NCAPH2: variants seen among roughly 807,000 people sequenced by gnomAD.
NCAPH2 encodes the protein non-SMC condensin II complex subunit H2.
Under a neutral mutation model 88.6 loss-of-function variants are expected in NCAPH2, and 56 were observed. The observed-to-expected ratio is 0.63, with a 90% CI of 0.51 to 0.79. The LOEUF (loss-of-function observed/expected upper bound fraction) is 0.79, where lower values mean the gene tolerates loss of function less well. Ranked by LOEUF, NCAPH2 falls within the 30% of genes least tolerant of loss-of-function variation. The probability of loss-of-function intolerance (pLI) is 0.00; values close to 1 mark genes in which losing one functional copy is unlikely to be tolerated. For missense variants in NCAPH2, 794 were observed against 792.0 expected, an observed-to-expected ratio of 1.00 and a Z score of -0.03; for synonymous variants, 378 against 313.6, an observed-to-expected ratio of 1.21 and a Z score of -2.17.
In NCAPH2 at chr22:50,517,735, C is replaced by T. The variant is rs369720270; in HGVS notation, c.352-6C>T. 3.7e-6 allele frequency: 6 copies of T among 1,614,100 alleles called. No homozygotes were observed. Among genetic ancestry groups the T allele is most frequent in the Middle Eastern group, 1.6e-4 (1 of 6,062 alleles). On this transcript the variant is annotated splice_polypyrimidine_tract_variant and splice_region_variant and intron_variant, in intron 4 of 19. Coordinates refer to ENST00000420993, the MANE Select transcript of NCAPH2 (RefSeq NM_152299.4). The stretch of plus-strand genomic sequence containing the variant: ...CTCCGCCCCCACGAGCTCTGTCTCC[C>T]TCCAGTTCCTGTCGCTGGATGACTT...
chr22:50,518,555 CCTG>C (rs1318118772), intron 7 of NCAPH2, 91 bp from the exon 8 acceptor site: 16 of 1,307,172 alleles, frequency 1.2e-5, no homozygotes, highest in Non-Finnish European at 1.6e-5. Flanking sequence ...TCTCTGCCCT[CCTG>C]CTGGCCCCTT....
intron 1 of NCAPH2, 50 bp from the exon 2 acceptor site, chr22:50,516,397 A>C (rs762061914): frequency 1.3e-5 from 20 of 1,571,306 alleles, no homozygotes; most frequent in Middle Eastern, 1.7e-4. Context: ...GGAAGAAGCG[A>C]GTGCAGACTG....
In NCAPH2 at chr22:50,522,722, T is replaced by C; in HGVS notation, c.1425+2T>C. On this transcript the variant is annotated splice_donor_variant, in intron 17 of 19. Transcript: ENST00000420993. LOFTEE classifies it high-confidence loss of function. Reference sequence around the variant, plus strand: ...GAGGAGCTGGTTCGAAGGAATGTGGTAGGCCTGGGTTAGAGGGAGACGGGG... The same window carrying C: ...GAGGAGCTGGTTCGAAGGAATGTGGCAGGCCTGGGTTAGAGGGAGACGGGG... The C allele has an allele frequency of 6.2e-7, 1 of 1,613,334 alleles. No individual in the cohort carries two copies. Among genetic ancestry groups the C allele is most frequent in the Non-Finnish European group, 8.5e-7 (1 of 1,179,914 alleles).
intron 1 of NCAPH2, 73 bp from the exon 2 acceptor site, chr22:50,516,374 G>A: frequency 7.0e-7 from 1 of 1,430,062 alleles, no homozygotes; most frequent in Non-Finnish European, 9.8e-7. Context: ...CCAAAGATGG[G>A]TGGGGCTGCC....
intron 1 of NCAPH2, among the ~76,000 whole-genome samples, chr22:50,514,662 C>G (rs977159949): frequency 2.6e-5 from 4 of 152,174 alleles, no homozygotes; most frequent in African/African-American, 9.7e-5. Flanking sequence ...GCCATCTCCT[C>G]CATGTTCCCT....
chr22:50,523,830 G>A lies in NCAPH2; in HGVS notation c.*455G>A, dbSNP rs131811. On this transcript the variant is annotated 3_prime_UTR_variant, in exon 20 of 20. Transcript: ENST00000420993. ...GACTAGCCTGGGCAACCTGTTTGGT[G>A]GAGCCGGTCAGACCCAACAGTCTTG... 0.067 allele frequency: 108,534 copies of A among 1,614,082 alleles called. 4,398 individuals carry two copies. The highest frequency in any genetic ancestry group is 0.08 in the Non-Finnish European group (94,874 of 1,180,024).
chr22:50,509,624 T>C (rs1294066452), intron 1 of NCAPH2, among the ~76,000 whole-genome samples: 2 of 152,232 alleles, frequency 1.3e-5, no homozygotes, highest in Admixed American at 1.3e-4. Flanking sequence ...GGTTCCCTTA[T>C]CCCTGTTTTT....
At position 50,514,188 on chromosome 22, in the gene NCAPH2, C is replaced by T. The variant is rs145862677; in HGVS notation, c.109-2259C>T. 8.0e-3 allele frequency among the ~76,000 whole-genome samples: 1,213 copies of T among 152,228 alleles called. 21 individuals carry two copies. The highest frequency in any genetic ancestry group is 0.028 in the African/African-American group (1,157 of 41,528). On this transcript the variant is annotated intron_variant, in intron 1 of 19. Transcript: ENST00000420993. ...GAGGGCAGGCAGCTGGAGAGGGAGGCTGGCCAGCATGGAGGCCTCCCTCTG... is the reference window on the plus strand; with the variant it reads ...GAGGGCAGGCAGCTGGAGAGGGAGGTTGGCCAGCATGGAGGCCTCCCTCTG...
At chr22:50,522,075 C>G (rs753422227) in intron 13 of NCAPH2, 36 bp downstream of exon 13, 43 of 1,613,660 alleles carry the variant, frequency 2.7e-5, no homozygotes, top group Non-Finnish European at 3.6e-5. Flanking sequence ...CAGTTTTACT[C>G]TCCTTCCCCT....
rs1386757352 is a variant in NCAPH2, at chr22:50,524,649, C to T, written c.*1274C>T. 1.1e-5 allele frequency: 8 copies of T among 700,224 alleles called. No homozygotes were observed. The highest frequency in any genetic ancestry group is 2.1e-5 in the Non-Finnish European group (8 of 374,422). The allele number at this position is 700,224 out of a possible 1,614,324, so 43.4% of individuals were successfully genotyped here. A position where few individuals can be genotyped will look rare whatever the true frequency, so the allele number is the denominator to read the frequency against. On this transcript the variant is annotated 3_prime_UTR_variant, in exon 20 of 20. Coordinates refer to ENST00000420993, the MANE Select transcript of NCAPH2 (RefSeq NM_152299.4). ...CTGTCCTCTACCTGGGATCACCAGC[C>T]TGTCACCGCACCCTGCCCTGCACCT...
intron 1 of NCAPH2, chr22:50,515,804 C>T: frequency 7.7e-7 from 1 of 1,296,114 alleles, no homozygotes; most frequent in Non-Finnish European, 1.0e-6. Flanking sequence ...TGTTTGGGGA[C>T]ATTTGAATGT....
At chr22:50,508,485 GTGGGGCTGC>G in intron 1 of NCAPH2, 40 bp downstream of exon 1, 1 of 1,145,736 alleles carries the variant, frequency 8.7e-7, no homozygotes, top group Non-Finnish European at 1.2e-6. Flanking sequence ...GGGCCGGCGG[GTGGGGCTGC>G]GGGGCGGGGG....
chr22:50,513,324 C>T (rs2068835231), intron 1 of NCAPH2, among the ~76,000 whole-genome samples: 1 of 150,844 alleles, frequency 6.6e-6, no homozygotes, highest in African/African-American at 2.5e-5. Flanking sequence ...TTTGGGGGGC[C>T]AAGGTGGCTC....
At position 50,522,200 on chromosome 22, in the gene NCAPH2, GAC is replaced by G; in HGVS notation, c.1187_1188del (p.His396ArgfsTer18). ...SFADMEVLYW[T>X]HVKEQLETLR... ...CTGCAGACATGGAGGTCCTGTACTG[GAC>G]ACACGTGAAGGAGCAGTTGGAAACT... On this transcript the variant is annotated frameshift_variant, in exon 14 of 20. Transcript: ENST00000420993. LOFTEE classifies it high-confidence loss of function. 1 of 1,613,830 alleles carries G rather than the reference GAC, an allele frequency of 6.2e-7. No homozygotes were observed. Among genetic ancestry groups the G allele is most frequent in the Non-Finnish European group, 8.5e-7 (1 of 1,179,960 alleles).
Position 50,523,912 on chromosome 22 carries a change from A to C in NCAPH2, c.*537A>C, listed in dbSNP as rs551555892. ...TTCAACGTCGTCCCGCTCGGGGTCC[A>C]CAGTGATGAAGACAGGCTGCACTGG... On this transcript the variant is annotated 3_prime_UTR_variant, in exon 20 of 20. Transcript: ENST00000420993. 16 of 1,613,584 alleles carry C rather than the reference A, an allele frequency of 9.9e-6. No individual in the cohort carries two copies. Among genetic ancestry groups the C allele is most frequent in the Non-Finnish European group, 1.3e-5 (15 of 1,179,940 alleles).
intron 1 of NCAPH2, 23 bp downstream of exon 1, chr22:50,508,468 G>T (rs920489260): frequency 7.6e-7 from 1 of 1,319,196 alleles, no homozygotes. Flanking sequence ...GGGGAGTGAC[G>T]CGGGGTGGGC....
chr22:50,509,112 T>TC (rs1463344203), intron 1 of NCAPH2, among the ~76,000 whole-genome samples: 1 of 152,102 alleles, frequency 6.6e-6, no homozygotes, highest in African/African-American at 2.4e-5. Flanking sequence ...GGATTTTTTT[T>TC]CCCTATTTCA....
intron 11 of NCAPH2, 63 bp from the exon 12 acceptor site, chr22:50,521,678 G>A (rs900353269): frequency 2.5e-6 from 4 of 1,609,100 alleles, no homozygotes; most frequent in Admixed American, 1.7e-5. Context: ...AGGTGGGGGG[G>A]TGGGAGTGGG....
intron 1 of NCAPH2, chr22:50,515,874 G>T: frequency 1.2e-5 from 13 of 1,115,726 alleles, no homozygotes; most frequent in African/African-American, 1.7e-5. Context: ...GGTCGGGTTG[G>T]GTTTGGGGCT....
Sources: allele counts gnomAD v4.1 joint callset (sites outside exome capture counted in the v4.1 genomes callset), GRCh38; gene constraint gnomAD v4.1.1; transcripts MANE v1.5; gene names NCBI Gene and HGNC (gene_info 2026-07-23, HGNC 2026-07-21).